Variants in CCDC14 observed in about 807,000 individuals in gnomAD.
CCDC14 encodes the protein coiled-coil domain containing 14.
CCDC14 carries 71 observed loss-of-function variants against 81.4 expected under a neutral mutation model. The observed-to-expected ratio is 0.87, with a 90% CI of 0.72 to 1.06. The LOEUF (loss-of-function observed/expected upper bound fraction) is 1.06, where lower values mean the gene tolerates loss of function less well. Ranked by LOEUF, CCDC14 falls within the 50% of genes least tolerant of loss-of-function variation. The pLI is 0.00. For missense variants in CCDC14, 1,046 were observed against 1,047.3 expected, an observed-to-expected ratio of 1.00 and a Z score of 0.02; for synonymous variants, 332 against 364.8, an observed-to-expected ratio of 0.91 and a Z score of 1.03.
rs1471643965 is a variant in CCDC14 at position 123,957,035 on chromosome 3, G to A, written c.31-240C>T. The A allele has an allele frequency of 1.4e-5, 4 of 285,764 alleles. No homozygotes were observed. In the Admixed American group the frequency reaches 1.5e-4, roughly 11 times the overall value. The allele number at this position is 285,764 out of a possible 1,614,324, so 17.7% of individuals were successfully genotyped here. ...ATATAACTGAAATAATACAATATTT[G>A]TTCTTTTGTGACTGGCTTATTTCAC... On this transcript the variant is annotated intron_variant, in intron 1 of 12. Transcript: ENST00000409697.
rs2036187605 is a variant in CCDC14, at chr3:123,938,686, C to T, written c.1344-4931G>A. ...TGGATAACATTCATACATTCTCCAG[C>T]ATATGCAGAGACAAAAAAACAAATA... On this transcript the variant is annotated intron_variant, in intron 9 of 12. Coordinates refer to ENST00000409697, the MANE Select transcript of CCDC14 (RefSeq NM_001366335.1). Among the ~76,000 whole-genome samples the T allele has an allele frequency of 2.0e-5, 3 of 151,784 alleles. No homozygotes were observed. In the South Asian group the frequency reaches 6.2e-4, roughly 31 times the overall value.
At chr3:123,942,158 G>T (rs1356524576) in intron 9 of CCDC14, among the ~76,000 whole-genome samples, 2 of 151,814 alleles carry the variant, frequency 1.3e-5, no homozygotes, top group African/African-American at 4.8e-5. Flanking sequence ...TTCGAGTCTT[G>T]ACTCTTAACT....
intron 12 of CCDC14, among the ~76,000 whole-genome samples, chr3:123,915,965 A>AT (rs1474850933): frequency 4.0e-5 from 6 of 149,058 alleles, no homozygotes; most frequent in Non-Finnish European, 8.9e-5. Flanking sequence ...GAGGCTCAGA[A>AT]TTTTTTTTTA....
the CCDC14 span, among the ~76,000 whole-genome samples, chr3:123,888,174 G>A: frequency 6.6e-6 from 1 of 152,216 alleles, no homozygotes; most frequent in East Asian, 1.9e-4. Context: ...ATGTCACTCA[G>A]TGTGTATTAG....
At chr3:123,920,387 G>A (rs921495839) in intron 12 of CCDC14, among the ~76,000 whole-genome samples, 6 of 152,156 alleles carry the variant, frequency 3.9e-5, no homozygotes, top group Non-Finnish European at 7.4e-5. Flanking sequence ...CAATATTCAG[G>A]TACAGGACGC....
chr3:123,934,946 A>G (rs1291817557), intron 9 of CCDC14, among the ~76,000 whole-genome samples: 4 of 152,212 alleles, frequency 2.6e-5, no homozygotes, highest in Non-Finnish European at 5.9e-5. Flanking sequence ...GTGAAACTCA[A>G]TATCCAGCAA....
In CCDC14 at chr3:123,939,245, C is replaced by T. The variant is rs115826104; in HGVS notation, c.1344-5490G>A. On this transcript the variant is annotated intron_variant, in intron 9 of 12. Transcript: ENST00000409697. ...ATGATATTCTATGATCCCCTGGCAA[C>T]GAAAATCACCGTGGAAAGGCTGGAG... 5.0e-3 allele frequency among the ~76,000 whole-genome samples: 759 copies of T among 151,822 alleles called. 4 individuals carry two copies. Among genetic ancestry groups the T allele is most frequent in the African/African-American group, 0.018 (730 of 41,460 alleles).
Position 123,915,168 on chromosome 3 carries a change from G to A in CCDC14, c.2329C>T (p.Leu777=). Residue 777 remains leucine (L), a synonymous_variant, in exon 13 of 13, where the codon CTG becomes TTG. Coordinates refer to ENST00000409697, the MANE Select transcript of CCDC14 (RefSeq NM_001366335.1). ...GAGGAACAGATTACAGGTGTACACA[G>A]TTTATTTTCTTTTCCAGAGACAGCA... ...GLAVSGKENK[L]CTPVICSSST... 1 of 1,613,914 alleles carries A rather than the reference G, an allele frequency of 6.2e-7. No individual in the cohort carries two copies. The highest frequency in any genetic ancestry group is 1.7e-5 in the Admixed American group (1 of 60,002).
intron 9 of CCDC14, among the ~76,000 whole-genome samples, chr3:123,940,823 C>G (rs929063773): frequency 7.2e-5 from 11 of 152,040 alleles, no homozygotes; most frequent in African/African-American, 2.4e-4. Flanking sequence ...TTCCTGTACT[C>G]CAGACAGTCT....
intron 9 of CCDC14, among the ~76,000 whole-genome samples, chr3:123,943,322 C>T (rs554285288): frequency 5.8e-4 from 88 of 152,098 alleles, no homozygotes; most frequent in African/African-American, 1.9e-3. Context: ...GAAAGACAGT[C>T]GTTTGTTAAT....
At chr3:123,938,651 C>T (rs1451060003) in intron 9 of CCDC14, among the ~76,000 whole-genome samples, 3 of 151,846 alleles carry the variant, frequency 2.0e-5, no homozygotes, top group Non-Finnish European at 2.9e-5. Flanking sequence ...AAATAACTAT[C>T]ATTATTTGCT....
the CCDC14 span, among the ~76,000 whole-genome samples, chr3:123,887,169 A>G: frequency 1.3e-5 from 2 of 152,180 alleles, no homozygotes; most frequent in East Asian, 3.9e-4. Flanking sequence ...ATAGCCATCT[A>G]TACCATAATC....
intron 12 of CCDC14, among the ~76,000 whole-genome samples, chr3:123,919,577 C>T (rs1283684364): frequency 1.3e-5 from 2 of 152,234 alleles, no homozygotes; most frequent in African/African-American, 4.8e-5. Flanking sequence ...AGTCAGTGGC[C>T]TCACTGGTTG....
At chr3:123,886,512 C>T in the CCDC14 span, among the ~76,000 whole-genome samples, 2 of 152,092 alleles carry the variant, frequency 1.3e-5, no homozygotes, top group Non-Finnish European at 2.9e-5. Context: ...ATTCTCCTGC[C>T]TCAGCCTCCT....
intron 12 of CCDC14, among the ~76,000 whole-genome samples, chr3:123,919,425 A>C (rs2700392): frequency 0.23 from 35,175 of 152,056 alleles, 8,997 homozygotes; most frequent in East Asian, 0.78. Context: ...GCAAACCCAG[A>C]AACACTGAAG....
At chr3:123,907,731 C>A (rs922449496) in intron 5 of CCDC14, among the ~76,000 whole-genome samples, 1 of 150,384 alleles carries the variant, frequency 6.6e-6, no homozygotes, top group Non-Finnish European at 1.5e-5. Flanking sequence ...AAAAAAAAAA[C>A]CCTTTTCACC....
intron 5 of CCDC14, among the ~76,000 whole-genome samples, chr3:123,905,225 G>A (rs554598881): frequency 2.0e-5 from 3 of 152,302 alleles, no homozygotes; most frequent in South Asian, 2.1e-4. Context: ...TGGGGAGACA[G>A]GAAGTGATTG....
intron 5 of CCDC14, among the ~76,000 whole-genome samples, chr3:123,951,893 A>G (rs2037041614): frequency 6.6e-6 from 1 of 152,224 alleles, no homozygotes; most frequent in African/African-American, 2.4e-5. Flanking sequence ...ATCTCTACGG[A>G]TAATGTTGAG....
intron 8 of CCDC14, among the ~76,000 whole-genome samples, chr3:123,946,543 A>C (rs1180051066): frequency 6.6e-6 from 1 of 152,080 alleles, no homozygotes; most frequent in Admixed American, 6.6e-5. Flanking sequence ...GACTCTTTTC[A>C]AGGTCTATTA....
Sources: allele counts gnomAD v4.1 joint callset (sites outside exome capture counted in the v4.1 genomes callset), GRCh38; gene constraint gnomAD v4.1.1; transcripts MANE v1.5; gene names NCBI Gene and HGNC (gene_info 2026-07-23, HGNC 2026-07-21).